ENGASE: variants seen among roughly 807,000 people sequenced by gnomAD.
The protein encoded by ENGASE is cytosolic endo-beta-N-acetylglucosaminidase.
In ENGASE, 69 loss-of-function variants were observed where a neutral mutation model predicts 78.5. The observed-to-expected ratio is 0.88, with a 90% CI of 0.72 to 1.07. ENGASE has a LOEUF of 1.07. Among genes scored for constraint, ENGASE ranks in the 50% least tolerant of loss-of-function variants. ENGASE has a pLI of 0.00. For missense variants in ENGASE, 943 were observed against 988.4 expected, an observed-to-expected ratio of 0.95 and a Z score of 0.62; for synonymous variants, 408 against 408.9, an observed-to-expected ratio of 1.00 and a Z score of 0.03.
At position 79,087,986 on chromosome 17, in the gene ENGASE, A is replaced by G. The variant is rs2073377545; in HGVS notation, c.*1637A>G. 1.3e-5 allele frequency: 2 copies of G among 151,510 alleles called. No individual in the cohort carries two copies. The highest frequency in any genetic ancestry group is 6.6e-5 in the Admixed American group (1 of 15,228). The allele number at this position is 151,510 out of a possible 1,614,324, so 9.4% of individuals were successfully genotyped here. On this transcript the variant is annotated 3_prime_UTR_variant, in exon 14 of 14. Transcript: ENST00000579016. ...CCCATGTCTCTTGTGTGGTCCCAGA[A>G]GGAGAAGTGAGTTTGCCAAGGATAT...
chr17:79,085,429 G>C (rs1466294459), intron 12 of ENGASE, 87 bp downstream of exon 12: 3 of 1,353,896 alleles, frequency 2.2e-6, no homozygotes, highest in Non-Finnish European at 3.0e-6. Context: ...AGGGGCCCTG[G>C]GCTGGCCCCC....
At chr17:79,075,868 G>A (rs1004050129) in intron 1 of ENGASE, 13 of 985,342 alleles carry the variant, frequency 1.3e-5, no homozygotes, top group Middle Eastern at 5.2e-4. Context: ...TTCCCTCCTA[G>A]TGGAGGAATG....
In ENGASE at chr17:79,083,286, A is replaced by G. The variant is rs2073197788; in HGVS notation, c.1142+163A>G. 4 of 716,868 alleles carry G rather than the reference A, an allele frequency of 5.6e-6. No homozygotes were observed. The highest frequency in any genetic ancestry group is 9.2e-6 in the Non-Finnish European group (4 of 434,238). 44.4% of individuals were successfully genotyped at this position (716,868 alleles called of 1,614,324 possible). A position where few individuals can be genotyped will look rare whatever the true frequency, so the allele number is the denominator to read the frequency against. The stretch of plus-strand genomic sequence containing the variant: ...GCCAGCACCCTGGCTGCTTCCGGGC[A>G]GGGACCAAACCCAGCGGCCGCTTCC... On this transcript the variant is annotated intron_variant, in intron 8 of 13. Coordinates refer to ENST00000579016, the MANE Select transcript of ENGASE (RefSeq NM_001042573.3). The surrounding 1 kb of genome is among the most constrained non-coding windows in gnomAD (Gnocchi z 4.9).
At chr17:79,081,375 A>G (rs1308044732) in intron 6 of ENGASE, among the ~76,000 whole-genome samples, 1 of 152,054 alleles carries the variant, frequency 6.6e-6, no homozygotes, top group East Asian at 1.9e-4. Flanking sequence ...GGTGGTGGGC[A>G]CCTGTAGCCC....
Position 79,085,746 on chromosome 17 carries a change from C to T in ENGASE, c.1815+12C>T. The T allele has an allele frequency of 6.2e-7, 1 of 1,612,332 alleles. No homozygotes were observed. Among genetic ancestry groups the T allele is most frequent in the Non-Finnish European group, 8.5e-7 (1 of 1,179,500 alleles). On this transcript the variant is annotated intron_variant, in intron 13 of 13. Coordinates refer to ENST00000579016, the MANE Select transcript of ENGASE (RefSeq NM_001042573.3). ...TTGGAGAGATCCAGGTGATGCTTCC[C>T]AGAGGGGCTCGGGCTGGGCTGGCTG... is the stretch of plus-strand genomic sequence containing the variant.
rs2073376437 is a variant in ENGASE, at chr17:79,087,961, C to G, written c.*1612C>G. ...GCTCTTGCCTAATTAGGAACATTCT[C>G]CCATGTCTCTTGTGTGGTCCCAGAA... On this transcript the variant is annotated 3_prime_UTR_variant, in exon 14 of 14. Coordinates refer to ENST00000579016, the MANE Select transcript of ENGASE (RefSeq NM_001042573.3). 6.6e-6 allele frequency: 1 copy of G among 152,204 alleles called. No homozygotes were observed. The highest frequency in any genetic ancestry group is 6.5e-5 in the Admixed American group (1 of 15,284). 9.4% of individuals were successfully genotyped at this position (152,204 alleles called of 1,614,324 possible). A position where few individuals can be genotyped will look rare whatever the true frequency, so the allele number is the denominator to read the frequency against.
chr17:79,078,382 G>A (rs530956712), intron 3 of ENGASE, among the ~76,000 whole-genome samples: 96 of 152,192 alleles, frequency 6.3e-4, no homozygotes, highest in African/African-American at 2.2e-3. Flanking sequence ...ATTAGGCAGT[G>A]TCTTATGTCC....
Position 79,074,974 on chromosome 17 carries a change from G to A in ENGASE, c.30G>A (p.Arg10=), listed in dbSNP as rs773312211. Residue 10 remains arginine, a synonymous_variant, in exon 1 of 14, where the codon CGG becomes CGA. Coordinates refer to ENST00000579016, the MANE Select transcript of ENGASE (RefSeq NM_001042573.3). MEAAAVTVT[R]SATRRRRRQL... Reference sequence around the variant, plus strand: ...AGGCCGCGGCGGTGACGGTCACCCGGTCGGCTACACGGCGGCGGCGGCGGC... The same window carrying A: ...AGGCCGCGGCGGTGACGGTCACCCGATCGGCTACACGGCGGCGGCGGCGGC... 1 of 1,245,476 alleles carries A rather than the reference G, an allele frequency of 8.0e-7. No individual in the cohort carries two copies. The highest frequency in any genetic ancestry group is 3.8e-5 in the South Asian group (1 of 26,616). The allele number at this position is 1,245,476 out of a possible 1,614,324, so 77.2% of individuals were successfully genotyped here.
At position 79,080,202 on chromosome 17, in the gene ENGASE, C is replaced by T; in HGVS notation, c.566-5C>T. The T allele has an allele frequency of 6.3e-7, 1 of 1,592,166 alleles. No homozygotes were observed. The highest frequency in any genetic ancestry group is 8.6e-7 in the Non-Finnish European group (1 of 1,167,600). On this transcript the variant is annotated splice_polypyrimidine_tract_variant and splice_region_variant and intron_variant, in intron 4 of 13. Coordinates refer to ENST00000579016, the MANE Select transcript of ENGASE (RefSeq NM_001042573.3). ...GCTGACCTTGTTTCTCTCCTATCCT[C>T]ACAGGGACTTTCATCACGGAGTGGA...
In ENGASE at chr17:79,081,063, C is replaced by T. The variant is rs1243034501; in HGVS notation, c.862C>T (p.Gln288Ter). Residue 288 changes from glutamine (Q) to a stop codon, truncating the protein, a stop_gained, in exon 6 of 14, where the codon CAG becomes TAG. Coordinates refer to ENST00000579016, the MANE Select transcript of ENGASE (RefSeq NM_001042573.3). LOFTEE classifies it high-confidence loss of function. ...GQLKWQDELN[Q>*]HNRVFFDSCD... is the part of the protein sequence containing the mutation. Reference sequence around the variant, plus strand: ...GCTCAAATGGCAAGACGAACTCAACCAGCACAACAGGTGAGCCTGCAGACA... The same window carrying T: ...GCTCAAATGGCAAGACGAACTCAACTAGCACAACAGGTGAGCCTGCAGACA... 11 of 1,607,530 alleles carry T rather than the reference C, an allele frequency of 6.8e-6. No homozygotes were observed. Among genetic ancestry groups the T allele is most frequent in the Non-Finnish European group, 9.3e-6 (11 of 1,178,316 alleles).
rs971173534 is a variant in ENGASE at position 79,087,501 on chromosome 17, TGTG to T, written c.*1156_*1158del. ...CTGGGCTGCCTGGGAGGCTTCCTGGTGTGGTGTCTGGACCCCACGGCCTTGGGT... is the reference window on the plus strand; with the variant it reads ...CTGGGCTGCCTGGGAGGCTTCCTGGTGTGTCTGGACCCCACGGCCTTGGGT... On this transcript the variant is annotated 3_prime_UTR_variant, in exon 14 of 14. Coordinates refer to ENST00000579016, the MANE Select transcript of ENGASE (RefSeq NM_001042573.3). The T allele has an allele frequency of 8.6e-5, 15 of 173,826 alleles. No individual in the cohort carries two copies. The highest frequency in any genetic ancestry group is 3.5e-4 in the African/African-American group (15 of 42,394). 10.8% of individuals were successfully genotyped at this position (173,826 alleles called of 1,614,324 possible). A position where few individuals can be genotyped will look rare whatever the true frequency, so the allele number is the denominator to read the frequency against.
chr17:79,083,845 C>T lies in ENGASE; in HGVS notation c.1336C>T (p.Arg446Trp), dbSNP rs759879478. ...AGAACACAGGCTGGGAGGGGATGGC[C>T]GGGGCTGGGTGAGGACGCACTGCTG... ...FGEHRLGGDG[R>W]GWVRTHCCLE... The change falls in exon 10 of 14, where the codon CGG (arginine) becomes TGG (tryptophan). Residue 446 changes from arginine to tryptophan, a missense_variant. Arg to Trp is a moderately radical substitution (Grantham distance 101, BLOSUM62 -3). Coordinates refer to ENST00000579016, the MANE Select transcript of ENGASE (RefSeq NM_001042573.3). This position sits in a 1 kb window ranked among gnomAD's most constrained non-coding sequence, Gnocchi z 4.9. 34 of 1,612,538 alleles carry T rather than the reference C, an allele frequency of 2.1e-5. No homozygotes were observed. Among genetic ancestry groups the T allele is most frequent in the East Asian group, 6.7e-5 (3 of 44,854 alleles).
At chr17:79,077,923 GCTGGAGGGGC>G in intron 3 of ENGASE, 59 bp downstream of exon 3, 134 of 1,397,642 alleles carry the variant, frequency 9.6e-5, no homozygotes, top group Non-Finnish European at 1.1e-4. Flanking sequence ...TGGGGTGGGG[GCTGGAGGGGC>G]GGGAGAGAGT....
intron 3 of ENGASE, 72 bp downstream of exon 3, chr17:79,077,936 G>GGGGGGGGGGGGGGGC: frequency 1.4e-6 from 1 of 721,530 alleles, no homozygotes. Context: ...GGAGGGGCGG[G>GGGGGGGGGGGGGGGC]AGAGAGTGCC....
At position 79,084,601 on chromosome 17, in the gene ENGASE, G is replaced by A. The variant is rs1286259234; in HGVS notation, c.1506G>A (p.Glu502=). The change falls in exon 11 of 14, where the codon GAG becomes GAA. Residue 502 remains glutamate (E), a synonymous_variant. Transcript: ENST00000579016. ...ACCTGTCCATGGTGTATAAGCTTGA[G>A]GGGCCCACGGACGTCACAGTTGCTT... ...KIYLSMVYKL[E]GPTDVTVALE... is the part of the protein sequence containing the mutation. 1.2e-6 allele frequency: 2 copies of A among 1,611,116 alleles called. No homozygotes were observed. Among genetic ancestry groups the A allele is most frequent in the Admixed American group, 1.7e-5 (1 of 59,110 alleles).
intron 3 of ENGASE, among the ~76,000 whole-genome samples, chr17:79,078,772 C>A (rs946823135): frequency 7.9e-5 from 12 of 152,224 alleles, no homozygotes; most frequent in African/African-American, 2.9e-4. Flanking sequence ...ACCTTGGGCG[C>A]AGCTCACAGG....
Position 79,084,545 on chromosome 17 carries a change from T to C in ENGASE, c.1450T>C (p.Ser484Pro). 6.4e-7 allele frequency: 1 copy of C among 1,569,958 alleles called. No individual in the cohort carries two copies. Among genetic ancestry groups the C allele is most frequent in the Non-Finnish European group, 8.6e-7 (1 of 1,163,246 alleles). The change falls in exon 11 of 14, where the codon TCC becomes CCC. Residue 484 changes from serine to proline, a missense_variant. Physicochemically the swap from Ser to Pro is moderately conservative, Grantham distance 74. Coordinates refer to ENST00000579016, the MANE Select transcript of ENGASE (RefSeq NM_001042573.3). ...CAGGACCTTTTTCCCCAGGTTATTT[T>C]CCCTGCAGGCCCCAGTGCCACCCAA... is the stretch of plus-strand genomic sequence containing the variant. ...EVGNVAVRLFSLQAPVPPKIY... is the reference protein window; with the variant it reads ...EVGNVAVRLFPLQAPVPPKIY...
At position 79,082,447 on chromosome 17, in the gene ENGASE, C is replaced by T. The variant is rs147865859; in HGVS notation, c.1038+384C>T. The T allele has an allele frequency of 2.9e-4, 348 of 1,213,320 alleles. 1 individual carries two copies. In the African/African-American group the frequency reaches 4.9e-3, roughly 17 times the overall value. The allele number at this position is 1,213,320 out of a possible 1,614,324, so 75.2% of individuals were successfully genotyped here. A position where few individuals can be genotyped will look rare whatever the true frequency, so the allele number is the denominator to read the frequency against. On this transcript the variant is annotated intron_variant, in intron 7 of 13. Transcript: ENST00000579016. Reference sequence around the variant, plus strand: ...AGCGCCTCTCACTGCGGCTCAGGGGCGAGGACGGGGGAGGTGCCCAGGGTT... The same window carrying T: ...AGCGCCTCTCACTGCGGCTCAGGGGTGAGGACGGGGGAGGTGCCCAGGGTT...
At chr17:79,084,119 T>C in intron 10 of ENGASE, 168 bp downstream of exon 10, 1 of 633,312 alleles carries the variant, frequency 1.6e-6, no homozygotes, top group South Asian at 2.0e-5. Context: ...ATTCACCATC[T>C]TGACCCTGTT....
Sources: allele counts gnomAD v4.1 joint callset (sites outside exome capture counted in the v4.1 genomes callset), GRCh38; gene constraint gnomAD v4.1.1; non-coding constraint Gnocchi (gnomAD v3.1); transcripts MANE v1.5; gene names NCBI Gene and HGNC (gene_info 2026-07-23, HGNC 2026-07-21).